Variants in CEP55 observed in about 807,000 individuals in gnomAD.
The protein encoded by CEP55 is centrosomal protein 55.
A neutral mutation model predicts 63.2 loss-of-function variants in CEP55; 57 were observed. That is an observed-to-expected ratio of 0.90 (90% CI 0.73 to 1.13). The LOEUF is 1.13. Among genes scored for constraint, CEP55 ranks in the 50% most tolerant of loss-of-function variants. CEP55 has a pLI of 0.00. For missense variants in CEP55, 456 were observed against 518.9 expected (o/e 0.88, Z 1.18); for synonymous variants, 178 against 191.6 (o/e 0.93, Z 0.59).
chr10:93,498,857 C>G (rs534227544), intron 1 of CEP55, among the ~76,000 whole-genome samples: 12 of 151,072 alleles, frequency 7.9e-5, no homozygotes, highest in African/African-American at 2.7e-4. Context: ...ATTAGGATAC[C>G]TGGTAAATAG....
At chr10:93,523,807 A>G (rs1024047704) in intron 8 of CEP55, among the ~76,000 whole-genome samples, 127 of 152,360 alleles carry the variant, frequency 8.3e-4, no homozygotes, top group African/African-American at 2.6e-3. Flanking sequence ...GCTCAACTAC[A>G]TGGAAACTGA....
chr10:93,516,858 AGATGTTT>A (rs1403466542), intron 5 of CEP55, 70 bp from the exon 6 acceptor site: 3 of 990,066 alleles, frequency 3.0e-6, no homozygotes, highest in East Asian at 5.1e-5. Context: ...TGATTCATTT[AGATGTTT>A]GATGTTTCTC....
intron 4 of CEP55, among the ~76,000 whole-genome samples, chr10:93,512,058 G>A (rs564092370): frequency 1.1e-4 from 17 of 149,710 alleles, no homozygotes; most frequent in African/African-American, 2.2e-4. Context: ...GTGATACCCC[G>A]TCTCTAATAA....
chr10:93,506,917 T>C, intron 3 of CEP55, 71 bp from the exon 4 acceptor site: 3 of 959,972 alleles, frequency 3.1e-6, no homozygotes, highest in Non-Finnish European at 5.1e-6. Context: ...TACTGTATTA[T>C]TATGGTGAAT....
chr10:93,526,527 C>G (rs1305161948), intron 8 of CEP55, among the ~76,000 whole-genome samples: 1 of 152,170 alleles, frequency 6.6e-6, no homozygotes, highest in African/African-American at 2.4e-5. Flanking sequence ...GTCAGTGTGG[C>G]AATTCCTCAG....
At position 93,517,100 on chromosome 10, in the gene CEP55, T is replaced by C. The variant is rs759723239; in HGVS notation, c.845T>C (p.Leu282Pro). The change falls in exon 6 of 9, where the codon CTG becomes CCG. Residue 282 changes from leucine to proline, a missense_variant. By Grantham distance (98) the Leu-to-Pro change is moderately conservative (BLOSUM62 -3). Transcript: ENST00000371485. The stretch of plus-strand genomic sequence containing the variant: ...AAAGAAGTTCACAATTTAAATCAGC[T>C]GTTGTATTCACAAAGAAGGGCAGAT... ...TQKEVHNLNQLLYSQRRADVQ... is the reference protein window; with the variant it reads ...TQKEVHNLNQPLYSQRRADVQ... The C allele has an allele frequency of 6.2e-7, 1 of 1,614,092 alleles. No individual in the cohort carries two copies. Among genetic ancestry groups the C allele is most frequent in the South Asian group, 1.1e-5 (1 of 91,078 alleles).
intron 4 of CEP55, among the ~76,000 whole-genome samples, chr10:93,514,082 T>C (rs2134478225): frequency 6.6e-6 from 1 of 152,254 alleles, no homozygotes; most frequent in Admixed American, 6.5e-5. Context: ...TAGCTGGGAC[T>C]GCAGGTACGT....
chr10:93,514,695 C>G (rs909700664), intron 4 of CEP55, among the ~76,000 whole-genome samples: 2 of 152,214 alleles, frequency 1.3e-5, no homozygotes, highest in African/African-American at 2.4e-5. Flanking sequence ...CTGACAGGGA[C>G]TTGAAGGAAT....
Position 93,528,105 on chromosome 10 carries a change from C to A in CEP55, c.1347C>A (p.Ala449=). 6.2e-7 allele frequency: 1 copy of A among 1,614,010 alleles called. No individual in the cohort carries two copies. The highest frequency in any genetic ancestry group is 1.3e-5 in the African/African-American group (1 of 75,008). Residue 449 remains alanine (A), a synonymous_variant, in exon 9 of 9, where the codon GCC becomes GCA. Transcript: ENST00000371485. ...ECPKCNIQYP[A]TEHRDLLVHV... ...CCAAGTGCAATATACAGTATCCAGCCACTGAGCATCGCGATCTGCTTGTCC... is the reference window on the plus strand; with the variant it reads ...CCAAGTGCAATATACAGTATCCAGCAACTGAGCATCGCGATCTGCTTGTCC...
intron 8 of CEP55, among the ~76,000 whole-genome samples, chr10:93,523,520 G>C (rs1237965013): frequency 2.0e-5 from 3 of 152,116 alleles, no homozygotes; most frequent in Non-Finnish European, 4.4e-5. Context: ...GTCAACATGA[G>C]ACAGATCCAC....
rs898115826 is a variant in CEP55, at chr10:93,506,659, C to G, written c.460-329C>G. Among the ~76,000 whole-genome samples, 15 of 152,252 alleles carry G rather than the reference C, an allele frequency of 9.9e-5. No individual in the cohort carries two copies. The East Asian group carries it at 2.5e-3, about 25-fold the overall frequency. ...CTCGGCTCACTGCAGCCTCCACCTCCCGGGTTCAAGTGATTCTCCTGCCTC... is the reference window on the plus strand; with the variant it reads ...CTCGGCTCACTGCAGCCTCCACCTCGCGGGTTCAAGTGATTCTCCTGCCTC... On this transcript the variant is annotated intron_variant, in intron 3 of 8. Coordinates refer to ENST00000371485, the MANE Select transcript of CEP55 (RefSeq NM_018131.5).
intron 4 of CEP55, among the ~76,000 whole-genome samples, chr10:93,512,099 C>T (rs533258945): frequency 5.4e-4 from 81 of 150,988 alleles, no homozygotes; most frequent in Non-Finnish European, 9.9e-4. Context: ...TGGTGGTACA[C>T]GCCTGTAATC....
intron 2 of CEP55, among the ~76,000 whole-genome samples, chr10:93,500,511 T>G (rs965543549): frequency 6.6e-6 from 1 of 152,232 alleles, no homozygotes; most frequent in African/African-American, 2.4e-5. Context: ...ATAAAGACAT[T>G]GCGATTAATA....
chr10:93,521,785 A>C, intron 8 of CEP55, among the ~76,000 whole-genome samples: 1 of 152,196 alleles, frequency 6.6e-6, no homozygotes, highest in South Asian at 2.1e-4. Context: ...TTTGCTGTTC[A>C]CCAATATTCG....
chr10:93,503,901 C>A (rs1339838685), intron 3 of CEP55, among the ~76,000 whole-genome samples: 1 of 151,392 alleles, frequency 6.6e-6, no homozygotes, highest in Non-Finnish European at 1.5e-5. Context: ...TGACTCTGAA[C>A]AAATTTGTTA....
rs776277247 is a variant in CEP55 at position 93,519,807 on chromosome 10, G to A, written c.1191G>A (p.Leu397=). ...ATCAAATAACACAGTTGGAATCCTT[G>A]GTGAGTCTGGAATGATTAAACTAAA... is the stretch of plus-strand genomic sequence containing the variant. The part of the protein sequence containing the change: ...ARNQITQLES[L]KQLHEFAITE... Residue 397 remains leucine (L), a splice_region_variant and synonymous_variant, in exon 8 of 9, where the codon TTG becomes TTA. Transcript: ENST00000371485. The A allele has an allele frequency of 6.2e-7, 1 of 1,613,942 alleles. No homozygotes were observed. Among genetic ancestry groups the A allele is most frequent in the Admixed American group, 1.7e-5 (1 of 60,018 alleles).
chr10:93,521,150 C>T (rs1397726309), intron 8 of CEP55, among the ~76,000 whole-genome samples: 3 of 152,044 alleles, frequency 2.0e-5, no homozygotes, highest in Non-Finnish European at 2.9e-5. Context: ...GGTGAGGCAT[C>T]GCCTCACCCA....
chr10:93,498,197 T>C (rs1309345699), intron 1 of CEP55, among the ~76,000 whole-genome samples: 1 of 138,456 alleles, frequency 7.2e-6, no homozygotes, highest in Non-Finnish European at 1.5e-5. Flanking sequence ...GGAAAGGAGG[T>C]TGGTGGGACT....
chr10:93,505,259 G>A (rs2057676987), intron 3 of CEP55, among the ~76,000 whole-genome samples: 1 of 152,166 alleles, frequency 6.6e-6, no homozygotes, highest in African/African-American at 2.4e-5. Context: ...CTCTCATGCT[G>A]GTCTAGTCCA....
Sources: allele counts gnomAD v4.1 joint callset (sites outside exome capture counted in the v4.1 genomes callset), GRCh38; gene constraint gnomAD v4.1.1; transcripts MANE v1.5; gene names NCBI Gene and HGNC (gene_info 2026-07-23, HGNC 2026-07-21).